Variants in VPS13B observed in about 807,000 individuals in gnomAD.
VPS13B encodes vacuolar protein sorting 13 homolog B, also known as intermembrane lipid transfer protein VPS13B.
In VPS13B, 285 loss-of-function variants were observed where a neutral mutation model predicts 426.4. The observed-to-expected ratio is 0.67, with a 90% CI of 0.61 to 0.74. The LOEUF (loss-of-function observed/expected upper bound fraction) is 0.74. Among genes scored for constraint, VPS13B ranks in the 30% least tolerant of loss-of-function variants. VPS13B has a pLI of 0.00. For synonymous variants in VPS13B, 1,676 were observed against 1,676.4 expected, an observed-to-expected ratio of 1.00 and a Z score of 0.01; for missense variants, 4,537 against 4,782.6, an observed-to-expected ratio of 0.95 and a Z score of 1.51.
intron 17 of VPS13B, among the ~76,000 whole-genome samples, chr8:99,200,263 A>C (rs1814228808): frequency 6.6e-6 from 1 of 152,120 alleles, no homozygotes; most frequent in African/African-American, 2.4e-5. Context: ...ATAGTATTCC[A>C]TTTTATCCAT....
At chr8:99,620,285 A>G (rs947395510) in intron 33 of VPS13B, among the ~76,000 whole-genome samples, 2 of 152,246 alleles carry the variant, frequency 1.3e-5, no homozygotes, top group African/African-American at 4.8e-5. Context: ...AACCCAGTTC[A>G]GGTGAATTGC....
At chr8:99,684,564 C>T (rs1831299379) in intron 35 of VPS13B, among the ~76,000 whole-genome samples, 1 of 152,080 alleles carries the variant, frequency 6.6e-6, no homozygotes, top group African/African-American at 2.4e-5. Context: ...AACTCATCAC[C>T]ATTTTGGTAG....
intron 37 of VPS13B, among the ~76,000 whole-genome samples, chr8:99,718,818 C>A (rs1173892561): frequency 6.6e-6 from 1 of 151,896 alleles, no homozygotes; most frequent in East Asian, 1.9e-4. Flanking sequence ...AAGCATGCAC[C>A]ACTATGCTTG....
chr8:99,253,274 A>T (rs2132927870), intron 17 of VPS13B, among the ~76,000 whole-genome samples: 1 of 152,192 alleles, frequency 6.6e-6, no homozygotes, highest in South Asian at 2.1e-4. Flanking sequence ...CTTTTTGGCT[A>T]TTAGAAATAA....
chr8:99,303,730 CAAAAA>C (rs58708195), intron 19 of VPS13B, among the ~76,000 whole-genome samples: 4 of 63,714 alleles, frequency 6.3e-5, no homozygotes, highest in Non-Finnish European at 1.0e-4. Context: ...GACTCCGTCT[CAAAAA>C]AAAAAAAAAA....
At chr8:99,067,555 A>G (rs1474298001) in intron 3 of VPS13B, among the ~76,000 whole-genome samples, 1 of 152,208 alleles carries the variant, frequency 6.6e-6, no homozygotes, top group Non-Finnish European at 1.5e-5. Flanking sequence ...TGATCAGTTA[A>G]TGGGTGCAGC....
At chr8:99,639,474 A>C (rs772811008) in intron 33 of VPS13B, among the ~76,000 whole-genome samples, 3 of 152,078 alleles carry the variant, frequency 2.0e-5, no homozygotes, top group Non-Finnish European at 4.4e-5. Context: ...GGACAGAAAC[A>C]AGTCCTTTTT....
intron 17 of VPS13B, among the ~76,000 whole-genome samples, chr8:99,240,066 C>G (rs966798078): frequency 6.6e-6 from 1 of 152,142 alleles, no homozygotes; most frequent in Non-Finnish European, 1.5e-5. Context: ...TTCTTGATTA[C>G]TAACTCTTTG....
intron 2 of VPS13B, among the ~76,000 whole-genome samples, chr8:99,024,743 C>T (rs749385677): frequency 6.6e-6 from 1 of 152,198 alleles, no homozygotes; most frequent in Non-Finnish European, 1.5e-5. Flanking sequence ...GTGATGCTTG[C>T]AGATTTGTTC....
chr8:99,350,978 T>A (rs1190887070), intron 19 of VPS13B, among the ~76,000 whole-genome samples: 1 of 152,060 alleles, frequency 6.6e-6, no homozygotes, highest in African/African-American at 2.4e-5. Flanking sequence ...CATTTTAAAT[T>A]ATAAAATTAT....
At chr8:99,569,932 A>G (rs11987034) in intron 31 of VPS13B, among the ~76,000 whole-genome samples, 8,682 of 152,280 alleles carry the variant, frequency 0.057, 315 homozygotes, top group African/African-American at 0.098. Context: ...TTCTATGGAC[A>G]TAATCCTCTA....
intron 30 of VPS13B, among the ~76,000 whole-genome samples, chr8:99,535,017 A>G (rs2133705110): frequency 6.6e-6 from 1 of 152,256 alleles, no homozygotes; most frequent in South Asian, 2.1e-4. Context: ...AGAATGATCC[A>G]TTTTACCCTT....
In VPS13B at chr8:99,776,950, G is replaced by T; in HGVS notation, c.7423G>T (p.Gly2475Cys). 6.2e-7 allele frequency: 1 copy of T among 1,613,852 alleles called. No individual in the cohort carries two copies. The highest frequency in any genetic ancestry group is 8.5e-7 in the Non-Finnish European group (1 of 1,179,834). Residue 2475 changes from glycine to cysteine, a missense_variant, in exon 41 of 62, where the codon GGC becomes TGC. By Grantham distance (159) the Gly-to-Cys change is radical. This residue lies in a region of VPS13B where 4,311 missense variants were observed against 4,474.3 expected (regional missense o/e 0.96). Transcript: ENST00000357162. Reference sequence around the variant, plus strand: ...TCTTTGTCATCACCTTGACCAACTAGGCACAGGTACTCTTTTTTTTAGCAT... The same window carrying T: ...TCTTTGTCATCACCTTGACCAACTATGCACAGGTACTCTTTTTTTTAGCAT... Reference protein sequence around the residue: ...FHLCHHLDQLGTAAPQYLQPF... With the variant: ...FHLCHHLDQLCTAAPQYLQPF...
At chr8:99,834,652 C>G (rs747030931) in intron 52 of VPS13B, among the ~76,000 whole-genome samples, 21 of 152,158 alleles carry the variant, frequency 1.4e-4, no homozygotes, top group Non-Finnish European at 1.3e-4. Context: ...ACCTCCCAGG[C>G]TCCAGCCATC....
chr8:99,438,981 A>G (rs895098386), intron 22 of VPS13B, among the ~76,000 whole-genome samples: 1 of 152,172 alleles, frequency 6.6e-6, no homozygotes, highest in Non-Finnish European at 1.5e-5. Context: ...TTTAGGTAAC[A>G]CTTACTGTGT....
chr8:99,675,518 T>C (rs1830897795), intron 35 of VPS13B, among the ~76,000 whole-genome samples: 2 of 152,164 alleles, frequency 1.3e-5, no homozygotes, highest in African/African-American at 4.8e-5. Flanking sequence ...GGTTCTGCTG[T>C]TCTTTATTTA....
Position 99,039,622 on chromosome 8 carries a change from A to T in VPS13B, c.291+1056A>T, listed in dbSNP as rs1842889647. On this transcript the variant is annotated intron_variant, in intron 3 of 61. Transcript: ENST00000357162. ...AGATTGGCTATAATCAAGTAAATTG[A>T]TAAGTATTATTAAAATGACTTCATA... is the stretch of plus-strand genomic sequence containing the variant. Among the ~76,000 whole-genome samples, 3 of 151,860 alleles carry T rather than the reference A, an allele frequency of 2.0e-5. No homozygotes were observed. The South Asian group carries it at 6.2e-4, about 32-fold the overall frequency.
At chr8:99,843,278 C>T (rs576484081) in intron 54 of VPS13B, among the ~76,000 whole-genome samples, 1 of 152,224 alleles carries the variant, frequency 6.6e-6, no homozygotes, top group South Asian at 2.1e-4. Flanking sequence ...CCACCTCACC[C>T]TACTAGTGAA....
intron 21 of VPS13B, among the ~76,000 whole-genome samples, chr8:99,401,872 A>C (rs1815057195): frequency 6.6e-6 from 1 of 152,084 alleles, no homozygotes; most frequent in Non-Finnish European, 1.5e-5. Context: ...CTCTAAATAC[A>C]TAAATAAATA....
Sources: allele counts gnomAD v4.1 joint callset (sites outside exome capture counted in the v4.1 genomes callset), GRCh38; gene constraint gnomAD v4.1.1; regional missense constraint gnomAD v4.1.1; transcripts MANE v1.5; gene names NCBI Gene and HGNC (gene_info 2026-07-23, HGNC 2026-07-21).